FANK1: variants seen among roughly 807,000 people sequenced by gnomAD.
FANK1 encodes fibronectin type III and ankyrin repeat domains 1, also known as fibronectin type 3 and ankyrin repeat domains protein 1.
A neutral mutation model predicts 45.3 loss-of-function variants in FANK1; 44 were observed. That is an observed-to-expected ratio of 0.97 (90% CI 0.76 to 1.25). FANK1 has a LOEUF of 1.25. FANK1 is among the 50% of genes most tolerant of loss of function. FANK1 has a pLI of 0.00. For synonymous variants in FANK1, 149 were observed against 152.5 expected, an observed-to-expected ratio of 0.98 and a Z score of 0.17; for missense variants, 391 against 424.4, an observed-to-expected ratio of 0.92 and a Z score of 0.69.
chr10:125,995,057 C>A (rs1952222967), intron 3 of FANK1: 1 of 572,944 alleles, frequency 1.7e-6, no homozygotes, highest in Non-Finnish European at 2.2e-6. Flanking sequence ...ATCTCTTTGG[C>A]AAATAAAACT....
intron 1 of FANK1, among the ~76,000 whole-genome samples, chr10:125,950,460 A>G (rs1300960250): frequency 6.6e-6 from 1 of 151,828 alleles, no homozygotes; most frequent in East Asian, 1.9e-4. Flanking sequence ...GGCGAAGGAC[A>G]TGAACAGACA....
intron 1 of FANK1, among the ~76,000 whole-genome samples, chr10:125,932,635 A>G (rs1451496464): frequency 6.6e-6 from 1 of 152,182 alleles, no homozygotes; most frequent in Non-Finnish European, 1.5e-5. Flanking sequence ...TAGGGTTTTC[A>G]AGGTAAACAG....
chr10:125,985,291 T>A (rs924853501), intron 2 of FANK1, among the ~76,000 whole-genome samples: 1 of 152,250 alleles, frequency 6.6e-6, no homozygotes, highest in Non-Finnish European at 1.5e-5. Context: ...CTTCTAAAGA[T>A]CTTTTCAGAT....
chr10:125,926,065 G>A (rs1344889113), intron 1 of FANK1, among the ~76,000 whole-genome samples: 1 of 151,942 alleles, frequency 6.6e-6, no homozygotes, highest in East Asian at 1.9e-4. Flanking sequence ...GCATATTTAA[G>A]TTATGAAAGT....
intron 2 of FANK1, among the ~76,000 whole-genome samples, chr10:125,982,002 TAAGA>T (rs1480102742): frequency 1.3e-5 from 2 of 152,244 alleles, no homozygotes; most frequent in Non-Finnish European, 2.9e-5. Flanking sequence ...CTCTGTACCT[TAAGA>T]AAAATCTGAA....
intron 1 of FANK1, among the ~76,000 whole-genome samples, chr10:125,912,566 C>T (rs1264755096): frequency 6.6e-6 from 1 of 151,950 alleles, no homozygotes; most frequent in Non-Finnish European, 1.5e-5. Context: ...TTTTAAATAT[C>T]CTGGTTAATA....
At chr10:125,977,297 A>C (rs1950911769) in intron 1 of FANK1, among the ~76,000 whole-genome samples, 1 of 152,122 alleles carries the variant, frequency 6.6e-6, no homozygotes, top group Non-Finnish European at 1.5e-5. Flanking sequence ...CTGATGCTTT[A>C]TGTAGGGTCT....
chr10:126,009,267 G>A lies in FANK1; in HGVS notation c.972+1G>A. 3 of 1,614,184 alleles carry A rather than the reference G, an allele frequency of 1.9e-6. No homozygotes were observed. Among genetic ancestry groups the A allele is most frequent in the Non-Finnish European group, 2.5e-6 (3 of 1,180,042 alleles). ...AATGGCCAGAGTTTTTGACAGACAG[G>A]TTGGGATGCTCTTTCTGCCTATCAA... On this transcript the variant is annotated splice_donor_variant, in intron 10 of 10. Coordinates refer to ENST00000368693, the MANE Select transcript of FANK1 (RefSeq NM_145235.5). LOFTEE classifies it high-confidence loss of function.
At chr10:125,915,559 G>C (rs552587338) in intron 1 of FANK1, among the ~76,000 whole-genome samples, 1 of 152,366 alleles carries the variant, frequency 6.6e-6, no homozygotes, top group African/African-American at 2.4e-5. Flanking sequence ...GCTCACGCCT[G>C]TTATCCCAGC....
intron 1 of FANK1, among the ~76,000 whole-genome samples, chr10:125,952,747 T>A (rs1340934727): frequency 6.6e-6 from 1 of 150,866 alleles, no homozygotes; most frequent in Admixed American, 6.6e-5. Context: ...GTTGTTTGTC[T>A]CCCTCTGTCT....
intron 1 of FANK1, among the ~76,000 whole-genome samples, chr10:125,930,277 G>A (rs151006016): frequency 1.9e-3 from 286 of 151,924 alleles, no homozygotes; most frequent in Non-Finnish European, 3.2e-3. Flanking sequence ...CAGGTGACCC[G>A]CCTGCCTAGG....
At chr10:125,990,870 T>C (rs756378029) in intron 3 of FANK1, among the ~76,000 whole-genome samples, 3 of 152,156 alleles carry the variant, frequency 2.0e-5, no homozygotes, top group African/African-American at 7.2e-5. Context: ...AGTAAAGGCA[T>C]GTCTTCCACG....
chr10:125,915,013 T>TGG (rs1237517133), intron 1 of FANK1, among the ~76,000 whole-genome samples: 1 of 152,188 alleles, frequency 6.6e-6, no homozygotes, highest in African/African-American at 2.4e-5. Context: ...CCAGCACTCC[T>TGG]ATTCCTTGAG....
At chr10:125,943,971 G>A (rs762456404) in intron 1 of FANK1, among the ~76,000 whole-genome samples, 27 of 152,214 alleles carry the variant, frequency 1.8e-4, no homozygotes, top group Admixed American at 2.6e-4. Flanking sequence ...GAATCTTCAC[G>A]TCTTCTAAAA....
intron 1 of FANK1, among the ~76,000 whole-genome samples, chr10:125,955,771 C>T (rs1438391837): frequency 6.6e-6 from 1 of 152,096 alleles, no homozygotes. Context: ...TGTGCCTGGC[C>T]CCATCTTATT....
At chr10:126,002,785 A>G (rs1590241845) in intron 6 of FANK1, among the ~76,000 whole-genome samples, 1 of 61,290 alleles carries the variant, frequency 1.6e-5, no homozygotes, top group Admixed American at 1.8e-4. Flanking sequence ...TTTTTTTTTC[A>G]TTCTTGCTGA....
intron 3 of FANK1, among the ~76,000 whole-genome samples, chr10:125,992,107 A>G (rs1004230229): frequency 2.0e-5 from 3 of 152,228 alleles, no homozygotes; most frequent in Non-Finnish European, 4.4e-5. Flanking sequence ...ATTCAGTTGC[A>G]CTTATTGATG....
At chr10:125,958,516 G>A (rs1949722534) in intron 1 of FANK1, among the ~76,000 whole-genome samples, 1 of 152,138 alleles carries the variant, frequency 6.6e-6, no homozygotes, top group Admixed American at 6.5e-5. Context: ...GGGATTACAG[G>A]CATGAGCCAC....
Position 125,916,194 on chromosome 10 carries a change from C to T in FANK1, c.13+19539C>T, listed in dbSNP as rs113834749. Among the ~76,000 whole-genome samples the T allele has an allele frequency of 2.5e-3, 376 of 152,160 alleles. 3 individuals are homozygous for T. The highest frequency in any genetic ancestry group is 8.5e-3 in the African/African-American group (354 of 41,512). ...CAGGGACTACAGGTGCATGCCACCA[C>T]GCCCAGCTAATTTTTGCATTTTTAG... On this transcript the variant is annotated intron_variant, in intron 1 of 10. Coordinates refer to ENST00000368693, the MANE Select transcript of FANK1 (RefSeq NM_145235.5).
Sources: gnomAD v4.1 joint callset for allele counts (sites outside exome capture counted in the v4.1 genomes callset) on GRCh38, gnomAD v4.1.1 for gene constraint, MANE v1.5 for transcripts, NCBI Gene and HGNC (gene_info 2026-07-23, HGNC 2026-07-21) for gene names.